EP400: variants seen among roughly 807,000 people sequenced by gnomAD.
EP400 encodes the protein E1A-binding protein p400.
EP400 carries 105 observed loss-of-function variants against 354.1 expected under a neutral mutation model. That is an observed-to-expected ratio of 0.30 (90% CI 0.25 to 0.35). The LOEUF is 0.35. Ranked by LOEUF, EP400 falls within the 10% of genes least tolerant of loss-of-function variation. The pLI is 1.00. For missense variants in EP400, 3,280 were observed against 4,121.0 expected (o/e 0.80, Z 5.59); for synonymous variants, 1,646 against 1,716.9 (o/e 0.96, Z 1.02).
intron 50 of EP400, 170 bp from the exon 51 acceptor site, chr12:132,069,325 A>T: frequency 1.1e-6 from 1 of 903,486 alleles, no homozygotes; most frequent in Non-Finnish European, 1.6e-6. Flanking sequence ...GCCTGGAGGC[A>T]GCGGCAGGGA....
intron 35 of EP400, among the ~76,000 whole-genome samples, 174 bp downstream of exon 35, chr12:132,044,485 A>G (rs545147527): frequency 5.9e-5 from 9 of 152,248 alleles, no homozygotes; most frequent in African/African-American, 9.6e-5. Flanking sequence ...TTTCTTAAAA[A>G]TTGACACTTG....
intron 2 of EP400, among the ~76,000 whole-genome samples, chr12:131,979,006 G>A (rs1044101339): frequency 6.6e-6 from 1 of 152,038 alleles, no homozygotes; most frequent in African/African-American, 2.4e-5. Flanking sequence ...CATGAGGTCA[G>A]GAGATCAAGA....
chr12:132,009,483 G>A (rs747603951), intron 15 of EP400, among the ~76,000 whole-genome samples: 2 of 152,176 alleles, frequency 1.3e-5, no homozygotes, highest in Admixed American at 6.5e-5. Context: ...AGGGAGATGG[G>A]GCAGTGGGGG....
intron 30 of EP400, among the ~76,000 whole-genome samples, chr12:132,032,629 T>C (rs139060470): frequency 6.6e-6 from 1 of 152,010 alleles, no homozygotes; most frequent in African/African-American, 2.4e-5. Flanking sequence ...TTAGTTTTTT[T>C]TTTTTTTTTT....
chr12:132,076,522 A>C lies in EP400; in HGVS notation c.9028A>C (p.Lys3010Gln). The C allele has an allele frequency of 6.2e-7, 1 of 1,614,178 alleles. No individual in the cohort carries two copies. Among genetic ancestry groups the C allele is most frequent in the Non-Finnish European group, 8.5e-7 (1 of 1,180,034 alleles). Residue 3010 changes from lysine (K) to glutamine (Q), a missense_variant, in exon 52 of 53, where the codon AAA becomes CAA. Physicochemically the swap from Lys to Gln is moderately conservative, Grantham distance 53 (BLOSUM62 1). Around this residue, in one of 20 missense-constraint regions of EP400, gnomAD observed 279 missense variants for 386.7 expected, o/e 0.72. Transcript: ENST00000389561. ...QQVQTQIQVA[K>Q]LPQVVQQQTP... is the part of the protein sequence containing the mutation. ...TTTTTTTGTTTTGTCAAAGGTTGCA[A>C]AACTTCCTCAAGTTGTTCAACAGCA... is the stretch of plus-strand genomic sequence containing the variant.
Position 132,017,988 on chromosome 12 carries a change from G to T in EP400, c.4111-222G>T, listed in dbSNP as rs565768367. Among the ~76,000 whole-genome samples, 71 of 152,340 alleles carry T rather than the reference G, an allele frequency of 4.7e-4. 1 individual carries two copies. The South Asian group carries it at 7.9e-3, about 17-fold the overall frequency. ...TTTCTTGGCGTTGTGTGGATTGTGG[G>T]CTGTGAGAAGTAGCTGAGCATGCAC... On this transcript the variant is annotated intron_variant, in intron 20 of 52. Coordinates refer to ENST00000389561, the MANE Select transcript of EP400 (RefSeq NM_015409.5). This position sits in a 1 kb window ranked among gnomAD's most constrained non-coding sequence, Gnocchi z 5.0.
rs2136552179 is a variant in EP400, at chr12:132,027,828, G to A, written c.5110-189G>A. Among the ~76,000 whole-genome samples the A allele has an allele frequency of 6.6e-6, 1 of 152,266 alleles. No homozygotes were observed. Among genetic ancestry groups the A allele is most frequent in the Admixed American group, 6.5e-5 (1 of 15,298 alleles). ...AAAGAAGAGAACGCTTGTGCTCTCGGCTTCATTTCCATCTCTATTTCCTGT... is the reference window on the plus strand; with the variant it reads ...AAAGAAGAGAACGCTTGTGCTCTCGACTTCATTTCCATCTCTATTTCCTGT... On this transcript the variant is annotated intron_variant, in intron 26 of 52. Coordinates refer to ENST00000389561, the MANE Select transcript of EP400 (RefSeq NM_015409.5). This position sits in a 1 kb window ranked among gnomAD's most constrained non-coding sequence, Gnocchi z 4.9.
chr12:132,025,517 A>G lies in EP400; in HGVS notation c.4856-129A>G, dbSNP rs1356743472. On this transcript the variant is annotated intron_variant, in intron 24 of 52. Transcript: ENST00000389561. This position sits in a 1 kb window ranked among gnomAD's most constrained non-coding sequence, Gnocchi z 4.1. Reference sequence around the variant, plus strand: ...TTTCCTCACAGTAACTGAACTTTGCATTGATTTTTTTGTGTAGATTTGATT... The same window carrying G: ...TTTCCTCACAGTAACTGAACTTTGCGTTGATTTTTTTGTGTAGATTTGATT... 8.8e-7 allele frequency: 1 copy of G among 1,134,822 alleles called. No homozygotes were observed. The highest frequency in any genetic ancestry group is 1.2e-6 in the Non-Finnish European group (1 of 829,752). The allele number at this position is 1,134,822 out of a possible 1,614,324, so 70.3% of individuals were successfully genotyped here.
chr12:131,986,399 G>A lies in EP400; in HGVS notation c.1930-115G>A. 4.1e-6 allele frequency: 4 copies of A among 978,674 alleles called. No homozygotes were observed. The South Asian group carries it at 4.8e-5, about 12-fold the overall frequency. The allele number at this position is 978,674 out of a possible 1,614,324, so 60.6% of individuals were successfully genotyped here. A position where few individuals can be genotyped will look rare whatever the true frequency, so the allele number is the denominator to read the frequency against. On this transcript the variant is annotated intron_variant, in intron 5 of 52. Coordinates refer to ENST00000389561, the MANE Select transcript of EP400 (RefSeq NM_015409.5). ...GTGATTTGTCTGCTTGCATCGTGGAGCGGAAGGTGCTGGCAGTGCGCGTCT... is the reference window on the plus strand; with the variant it reads ...GTGATTTGTCTGCTTGCATCGTGGAACGGAAGGTGCTGGCAGTGCGCGTCT...
intron 10 of EP400, 69 bp downstream of exon 10, chr12:131,991,525 C>A: frequency 5.3e-6 from 7 of 1,316,428 alleles, no homozygotes; most frequent in African/African-American, 1.5e-5. Flanking sequence ...TGGGCCTTTT[C>A]ATTCTTATCC....
At chr12:132,026,875 C>T (rs1466111449) in intron 25 of EP400, among the ~76,000 whole-genome samples, 3 of 152,204 alleles carry the variant, frequency 2.0e-5, no homozygotes, top group African/African-American at 7.2e-5. Context: ...GAAAGTCTGC[C>T]GCACTAAGTG....
At chr12:132,056,425 G>GCACA (rs10660680) in intron 45 of EP400, among the ~76,000 whole-genome samples, 17,627 of 148,528 alleles carry the variant, frequency 0.12, 2,043 homozygotes, top group African/African-American at 0.3. Context: ...CACAACACAC[G>GCACA]CACACACACA....
Position 132,006,284 on chromosome 12 carries a change from T to C in EP400, c.3108T>C (p.Ser1036=). Reference sequence around the variant, plus strand: ...CTGAAGCCATCCTGCCGAAGGGCAGTGCTCGGGTCACAACCTCGGTGAGGC... The same window carrying C: ...CTGAAGCCATCCTGCCGAAGGGCAGCGCTCGGGTCACAACCTCGGTGAGGC... ...AVAEAILPKG[S]ARVTTSVKFN... The change falls in exon 14 of 53, where the codon AGT becomes AGC. Residue 1036 remains serine (S), a synonymous_variant. Coordinates refer to ENST00000389561, the MANE Select transcript of EP400 (RefSeq NM_015409.5). The C allele has an allele frequency of 6.2e-7, 1 of 1,614,230 alleles. No individual in the cohort carries two copies. The highest frequency in any genetic ancestry group is 8.5e-7 in the Non-Finnish European group (1 of 1,180,036).
chr12:131,958,105 A>T (rs1296946894), intron 1 of EP400, among the ~76,000 whole-genome samples: 1 of 152,248 alleles, frequency 6.6e-6, no homozygotes, highest in Non-Finnish European at 1.5e-5. Flanking sequence ...GTAAGGAAAT[A>T]ATCCCGAATA....
At chr12:132,031,845 A>G (rs1894516112) in intron 29 of EP400, 108 bp from the exon 30 acceptor site, 1 of 1,220,294 alleles carries the variant, frequency 8.2e-7, no homozygotes, top group Non-Finnish European at 1.2e-6. Flanking sequence ...GTGAGCCGCC[A>G]CGCCCGGCCT....
intron 15 of EP400, among the ~76,000 whole-genome samples, chr12:132,007,726 A>G (rs1377641183): frequency 6.6e-6 from 1 of 152,252 alleles, no homozygotes; most frequent in Non-Finnish European, 1.5e-5. Flanking sequence ...CTATTGCTGC[A>G]GAGAAGAGGG....
At chr12:132,043,803 T>A (rs1420335549) in intron 34 of EP400, 75 bp downstream of exon 34, 39 of 1,313,394 alleles carry the variant, frequency 3.0e-5, no homozygotes, top group Middle Eastern at 3.7e-4. Context: ...GAAGTAAATG[T>A]GACTTCATTA....
At chr12:131,950,655 G>A (rs1891441389) in intron 1 of EP400, among the ~76,000 whole-genome samples, 1 of 152,222 alleles carries the variant, frequency 6.6e-6, no homozygotes, top group Non-Finnish European at 1.5e-5. Flanking sequence ...AATTGCCGCT[G>A]CCTCCCCGGG....
Position 132,067,217 on chromosome 12 carries a change from A to G in EP400, c.8750-145A>G. On this transcript the variant is annotated intron_variant, in intron 49 of 52. Transcript: ENST00000389561. This position sits in a 1 kb window ranked among gnomAD's most constrained non-coding sequence, Gnocchi z 5.3. ...AATTTGTGAACCCAGAAACATTTTAATGTAGTTAAGGGATGGCTTACTTGT... is the reference window on the plus strand; with the variant it reads ...AATTTGTGAACCCAGAAACATTTTAGTGTAGTTAAGGGATGGCTTACTTGT... 7.8e-7 allele frequency: 1 copy of G among 1,280,098 alleles called. No homozygotes were observed. The highest frequency in any genetic ancestry group is 2.4e-5 in the East Asian group (1 of 41,858). The allele number at this position is 1,280,098 out of a possible 1,614,324, so 79.3% of individuals were successfully genotyped here.
Sources: allele counts gnomAD v4.1 joint callset (sites outside exome capture counted in the v4.1 genomes callset), GRCh38; gene constraint gnomAD v4.1.1; regional missense constraint gnomAD v4.1.1; non-coding constraint Gnocchi (gnomAD v3.1); transcripts MANE v1.5; gene names NCBI Gene and HGNC (gene_info 2026-07-23, HGNC 2026-07-21).